The following SHROOM2 variants were observed in gnomAD, a reference collection of about 807,000 sequenced individuals.
SHROOM2 encodes the protein protein Shroom2.
In SHROOM2, 33 loss-of-function variants were observed where a neutral mutation model predicts 75.9. The ratio of observed to expected loss-of-function variants is 0.43; its 90% CI spans 0.33 to 0.58. The LOEUF (loss-of-function observed/expected upper bound fraction) is 0.58. SHROOM2 is among the 20% of genes least tolerant of loss of function. SHROOM2 has a pLI of 0.04. For missense variants in SHROOM2, 1,434 were observed against 1,461.2 expected, an observed-to-expected ratio of 0.98 and a Z score of 0.30; for synonymous variants, 655 against 663.6, an observed-to-expected ratio of 0.99 and a Z score of 0.20.
chrX:9,851,909 A>G (rs2084043064), intron 1 of SHROOM2, among the ~76,000 whole-genome samples: 1 of 112,328 alleles, frequency 8.9e-6, no homozygotes, highest in Admixed American at 9.5e-5. Flanking sequence ...TTAAACTGGA[A>G]TTTAACTGAG....
intron 3 of SHROOM2, among the ~76,000 whole-genome samples, chrX:9,892,792 G>A (rs752531222): frequency 7.1e-5 from 8 of 112,185 alleles, no homozygotes; most frequent in South Asian, 3.7e-4. Flanking sequence ...CTGGTCACAC[G>A]GTTCTCTCAT....
At chrX:9,918,987 G>A (rs1830789439) in intron 5 of SHROOM2, among the ~76,000 whole-genome samples, 1 of 111,980 alleles carries the variant, frequency 8.9e-6, no homozygotes, top group Admixed American at 9.5e-5. Context: ...CAGAAGGCCC[G>A]AGCACATCAG....
intron 5 of SHROOM2, among the ~76,000 whole-genome samples, chrX:9,927,399 G>A (rs1239702157): frequency 2.9e-5 from 3 of 102,997 alleles, no homozygotes; most frequent in African/African-American, 1.1e-4. Context: ...AGTAGGTGAG[G>A]AGGACCCTGT....
Position 9,947,315 on chromosome X carries a change from C to T in SHROOM2, c.*378C>T, listed in dbSNP as rs1335047160. 3 of 186,170 alleles carry T rather than the reference C, an allele frequency of 1.6e-5. No individual in the cohort carries two copies. Among genetic ancestry groups the T allele is most frequent in the African/African-American group, 3.0e-5 (1 of 33,203 alleles). The allele number at this position is 186,170 out of a possible 1,213,427, so 15.3% of individuals were successfully genotyped here. The stretch of plus-strand genomic sequence containing the variant: ...CCAACTGCTTGGACAGCAGCCAGCG[C>T]GTCATGACGTGCATGAGAGGGGGAC... On this transcript the variant is annotated 3_prime_UTR_variant, in exon 10 of 10. Coordinates refer to ENST00000380913, the MANE Select transcript of SHROOM2 (RefSeq NM_001649.4).
chrX:9,926,300 C>T (rs143772027), intron 5 of SHROOM2, among the ~76,000 whole-genome samples: 90 of 111,781 alleles, frequency 8.1e-4, no homozygotes, highest in Middle Eastern at 4.6e-3. Context: ...ACAGCTCAAG[C>T]GTCCCTAATC....
At chrX:9,923,992 T>A in intron 5 of SHROOM2, among the ~76,000 whole-genome samples, 1 of 112,533 alleles carries the variant, frequency 8.9e-6, no homozygotes, top group Non-Finnish European at 1.9e-5. Flanking sequence ...GCAGACCTTT[T>A]TATCCATCTG....
chrX:9,898,201 C>A lies in SHROOM2; in HGVS notation c.2802C>A (p.Val934=). The A allele has an allele frequency of 8.5e-7, 1 of 1,182,533 alleles. No individual in the cohort carries two copies. Among genetic ancestry groups the A allele is most frequent in the Non-Finnish European group, 1.1e-6 (1 of 880,365 alleles). Residue 934 remains valine, a synonymous_variant, in exon 5 of 10, where the codon GTC becomes GTA. Coordinates refer to ENST00000380913, the MANE Select transcript of SHROOM2 (RefSeq NM_001649.4). ...GTTGCCCTTTGCAGGAAGCTTCTGT[C>A]GAACTGCGAAGGCAGGCAGGGGACC... ...STDHYKQEAS[V]ELRRQAGDPG...
intron 5 of SHROOM2, among the ~76,000 whole-genome samples, chrX:9,913,553 G>T (rs1303170536): frequency 8.9e-6 from 1 of 112,422 alleles, no homozygotes. Flanking sequence ...GCTTTTGTGT[G>T]TGCAGAGGGT....
Position 9,895,777 on chromosome X carries a change from C to T in SHROOM2, c.1869C>T (p.Ser623=), listed in dbSNP as rs766928291. ...DAHVGKPTRR[S]DRFATTLRNE... ...ACGTGGGCAAGCCCACCCGAAGAAG[C>T]GACCGCTTTGCCACCACCCTGCGGA... Residue 623 remains serine, a synonymous_variant, in exon 4 of 10, where the codon AGC becomes AGT. Transcript: ENST00000380913. 2.4e-5 allele frequency: 29 copies of T among 1,201,183 alleles called. No homozygotes were observed. Among genetic ancestry groups the T allele is most frequent in the South Asian group, 1.8e-4 (10 of 55,397 alleles).
At chrX:9,929,202 G>C (rs779080848) in intron 5 of SHROOM2, among the ~76,000 whole-genome samples, 11 of 109,640 alleles carry the variant, frequency 1.0e-4, no homozygotes, top group Non-Finnish European at 1.9e-4. Context: ...TTGTGTTGTT[G>C]ACCCTGATGG....
intron 2 of SHROOM2, among the ~76,000 whole-genome samples, chrX:9,887,901 C>G (rs2084269575): frequency 8.8e-6 from 1 of 113,305 alleles, no homozygotes; most frequent in African/African-American, 3.2e-5. Context: ...TGTTCCATAT[C>G]TGTGCTGCCC....
intron 1 of SHROOM2, among the ~76,000 whole-genome samples, chrX:9,817,874 A>T (rs1355293599): frequency 8.9e-6 from 1 of 112,457 alleles, no homozygotes; most frequent in African/African-American, 3.2e-5. Context: ...ACGATGATGT[A>T]ACATTTGAAA....
At chrX:9,831,941 C>A (rs1345590490) in intron 1 of SHROOM2, among the ~76,000 whole-genome samples, 1 of 111,098 alleles carries the variant, frequency 9.0e-6, no homozygotes, top group African/African-American at 3.3e-5. Context: ...AGGATTTCAA[C>A]ATATGGATTT....
chrX:9,848,058 C>T (rs1665223647), intron 1 of SHROOM2, among the ~76,000 whole-genome samples: 1 of 111,583 alleles, frequency 9.0e-6, no homozygotes, highest in African/African-American at 3.3e-5. Context: ...TGTCTGAGGG[C>T]GAATGTTGTG....
At chrX:9,890,933 G>A in intron 2 of SHROOM2, 44 bp from the exon 3 acceptor site, 8 of 1,157,855 alleles carry the variant, frequency 6.9e-6, no homozygotes, top group Non-Finnish European at 9.2e-6. Context: ...AGTGAGCGCT[G>A]TGTGCAGTCC....
chrX:9,860,748 C>T (rs2084099341), intron 1 of SHROOM2, among the ~76,000 whole-genome samples: 1 of 111,552 alleles, frequency 9.0e-6, no homozygotes, highest in African/African-American at 3.3e-5. Flanking sequence ...TGGTATTCAC[C>T]CCGTATTCAG....
Position 9,895,675 on chromosome X carries a change from C to T in SHROOM2, c.1767C>T (p.Ser589=), listed in dbSNP as rs1359779255. Residue 589 remains serine, a synonymous_variant, in exon 4 of 10, where the codon TCC becomes TCT. Transcript: ENST00000380913. ...ICPQETPLLH[S]LTQEGKRRPE... ...CGCAGGAGACGCCCCTGTTGCACTCCCTGACCCAGGAGGGGAAGCGCCGGC... is the reference window on the plus strand; with the variant it reads ...CGCAGGAGACGCCCCTGTTGCACTCTCTGACCCAGGAGGGGAAGCGCCGGC... 2 of 1,175,646 alleles carry T rather than the reference C, an allele frequency of 1.7e-6. No individual in the cohort carries two copies. The highest frequency in any genetic ancestry group is 3.1e-5 in the East Asian group (1 of 31,889).
At chrX:9,819,039 T>C in intron 1 of SHROOM2, 1 of 1,112,676 alleles carries the variant, frequency 9.0e-7, no homozygotes, top group Non-Finnish European at 1.2e-6. Flanking sequence ...TTCCTTTTCT[T>C]TCTTTCCTGT....
At chrX:9,918,233 T>A (rs1358533275) in intron 5 of SHROOM2, among the ~76,000 whole-genome samples, 2 of 112,694 alleles carry the variant, frequency 1.8e-5, no homozygotes, top group Non-Finnish European at 3.7e-5. Flanking sequence ...GACAGAACCT[T>A]CCTTGAAGGA....
Sources: allele counts gnomAD v4.1 joint callset (sites outside exome capture counted in the v4.1 genomes callset), GRCh38; gene constraint gnomAD v4.1.1; transcripts MANE v1.5; gene names NCBI Gene and HGNC (gene_info 2026-07-23, HGNC 2026-07-21).